Variants in PVT1 observed in about 807,000 individuals in gnomAD.
The protein encoded by PVT1 is CXCR4/PVT1 fusion.
At chr8:128,093,492 G>A (rs889901038) in intron 5 of PVT1, among the ~76,000 whole-genome samples, 10 of 152,150 alleles carry the variant, frequency 6.6e-5, no homozygotes, top group Admixed American at 4.6e-4. Context: ...GGGAGGCGGA[G>A]GTTGCAGTGA....
intron 3 of PVT1, among the ~76,000 whole-genome samples, chr8:127,920,216 G>A (rs745754148): frequency 1.6e-4 from 24 of 152,314 alleles, no homozygotes; most frequent in African/African-American, 4.6e-4. Flanking sequence ...ATGGCCAGAC[G>A]TTGTAAACAT....
intron 2 of PVT1, among the ~76,000 whole-genome samples, chr8:127,858,129 G>A (rs1386648550): frequency 6.6e-6 from 1 of 152,316 alleles, no homozygotes; most frequent in East Asian, 1.9e-4. Context: ...GGTGGCTCAT[G>A]CCTATAATCA....
intron 2 of PVT1, among the ~76,000 whole-genome samples, chr8:127,848,714 G>T (rs557380763): frequency 2.0e-5 from 3 of 152,028 alleles, no homozygotes; most frequent in Non-Finnish European, 4.4e-5. Context: ...AACAAAAAAG[G>T]CCAACAAATT....
intron 2 of PVT1, among the ~76,000 whole-genome samples, chr8:127,867,637 A>T (rs1008861759): frequency 1.3e-5 from 2 of 152,172 alleles, no homozygotes; most frequent in African/African-American, 4.8e-5. Flanking sequence ...TTGAAGGTAA[A>T]AAATGAACTT....
At chr8:127,816,713 G>C (rs769987695) in intron 2 of PVT1, among the ~76,000 whole-genome samples, 3 of 151,832 alleles carry the variant, frequency 2.0e-5, no homozygotes, top group Non-Finnish European at 4.4e-5. Context: ...TAGTAGAGAT[G>C]AGGTTTCACC....
chr8:127,878,505 C>T (rs953824881), intron 2 of PVT1, among the ~76,000 whole-genome samples: 5 of 152,178 alleles, frequency 3.3e-5, no homozygotes, highest in East Asian at 3.8e-4. Context: ...GTCTCTGAAG[C>T]GTTGGTTATT....
chr8:127,868,783 A>ACACG (rs1563625657), intron 2 of PVT1, among the ~76,000 whole-genome samples: 3 of 118,680 alleles, frequency 2.5e-5, no homozygotes, highest in East Asian at 2.5e-4. Context: ...ATATATATAT[A>ACACG]TATATATATA....
At chr8:127,941,130 C>T (rs1816344398) in intron 3 of PVT1, among the ~76,000 whole-genome samples, 1 of 152,206 alleles carries the variant, frequency 6.6e-6, no homozygotes, top group Non-Finnish European at 1.5e-5. Flanking sequence ...GGCTTGTGGC[C>T]TCCTCTCTCC....
At chr8:127,960,046 C>T (rs1042490807) in intron 3 of PVT1, among the ~76,000 whole-genome samples, 2 of 152,210 alleles carry the variant, frequency 1.3e-5, no homozygotes, top group African/African-American at 4.8e-5. Context: ...TTGTCATCTT[C>T]AGGCAACCCA....
intron 4 of PVT1, among the ~76,000 whole-genome samples, chr8:127,999,859 G>A (rs1817155165): frequency 6.6e-6 from 1 of 152,230 alleles, no homozygotes. Flanking sequence ...TGGGGCAAGA[G>A]GAGTGGGCTG....
At chr8:128,008,400 C>T (rs944091453) in intron 4 of PVT1, among the ~76,000 whole-genome samples, 2 of 152,188 alleles carry the variant, frequency 1.3e-5, no homozygotes, top group Non-Finnish European at 2.9e-5. Context: ...TACCATGTAC[C>T]TTTCTTCCAA....
At chr8:127,821,715 G>C (rs1207486895) in intron 2 of PVT1, among the ~76,000 whole-genome samples, 1 of 152,098 alleles carries the variant, frequency 6.6e-6, no homozygotes, top group Non-Finnish European at 1.5e-5. Flanking sequence ...GGGAGGCTGA[G>C]GCAGGAGAAT....
chr8:127,964,745 G>C (rs529871517), intron 3 of PVT1, among the ~76,000 whole-genome samples: 1 of 152,012 alleles, frequency 6.6e-6, no homozygotes, highest in Non-Finnish European at 1.5e-5. Context: ...CTCTATGTCC[G>C]TCTCTCCTCA....
At chr8:128,026,859 G>A (rs1813301277) in intron 4 of PVT1, among the ~76,000 whole-genome samples, 1 of 152,172 alleles carries the variant, frequency 6.6e-6, no homozygotes, top group South Asian at 2.1e-4. Flanking sequence ...GCTCTCTGGG[G>A]AACGTGACCG....
intron 3 of PVT1, among the ~76,000 whole-genome samples, chr8:127,930,742 G>C (rs889605165): frequency 6.6e-6 from 1 of 151,112 alleles, no homozygotes; most frequent in African/African-American, 2.4e-5. Flanking sequence ...TCTGTGTAGA[G>C]CAGTGGGTGG....
chr8:128,042,169 G>C lies in PVT1; in HGVS notation n.913-27991G>C, dbSNP rs531129806. Among the ~76,000 whole-genome samples, 14 of 152,300 alleles carry C rather than the reference G, an allele frequency of 9.2e-5. 1 individual carries two copies. Among genetic ancestry groups the C allele is most frequent in the Admixed American group, 2.6e-4 (4 of 15,298 alleles). The stretch of plus-strand genomic sequence containing the variant: ...CAGGGTCATTTGAACTCGGTGACTG[G>C]AAAAATGGTTGGTGTGAATAATGTG... On this transcript the variant is annotated intron_variant and non_coding_transcript_variant, in intron 4 of 10. Coordinates refer to ENST00000651587, the Ensembl canonical transcript of PVT1.
At chr8:128,001,856 G>A (rs1018875535) in intron 4 of PVT1, among the ~76,000 whole-genome samples, 26 of 152,240 alleles carry the variant, frequency 1.7e-4, no homozygotes, top group Middle Eastern at 3.4e-3. Context: ...AAGCTTTCTG[G>A]AGCCTCTTTT....
At chr8:127,916,804 T>C (rs1288490715) in intron 3 of PVT1, among the ~76,000 whole-genome samples, 1 of 152,162 alleles carries the variant, frequency 6.6e-6, no homozygotes, top group Non-Finnish European at 1.5e-5. Flanking sequence ...TGAGCCCCAC[T>C]TCCTCTTGAT....
intron 5 of PVT1, among the ~76,000 whole-genome samples, chr8:128,094,867 C>A (rs1214861385): frequency 6.6e-6 from 1 of 152,206 alleles, no homozygotes; most frequent in African/African-American, 2.4e-5. Flanking sequence ...GCTCCAGAGC[C>A]TCCCCAGACC....
Sources: allele counts gnomAD v4.1 joint callset (sites outside exome capture counted in the v4.1 genomes callset), GRCh38; gene constraint gnomAD v4.1.1; transcripts MANE v1.5; gene names NCBI Gene and HGNC (gene_info 2026-07-23, HGNC 2026-07-21).